Variants in VPS26A observed in about 807,000 individuals in gnomAD.
The protein encoded by VPS26A is VPS26 retromer complex component A, also known as vacuolar protein sorting-associated protein 26A.
VPS26A carries 22 observed loss-of-function variants against 42.4 expected under a neutral mutation model. The ratio of observed to expected loss-of-function variants is 0.52; its 90% CI spans 0.37 to 0.74. The LOEUF (loss-of-function observed/expected upper bound fraction) is 0.74, where lower values mean the gene tolerates loss of function less well. Ranked by LOEUF, VPS26A falls within the 30% of genes least tolerant of loss-of-function variation. VPS26A has a pLI of 0.00. For missense variants in VPS26A, 276 were observed against 379.2 expected (o/e 0.73, Z 2.26); for synonymous variants, 110 against 123.5 (o/e 0.89, Z 0.73).
chr10:69,154,624 A>G (rs961933182), intron 2 of VPS26A, among the ~76,000 whole-genome samples: 2 of 152,176 alleles, frequency 1.3e-5, no homozygotes, highest in African/African-American at 4.8e-5. Flanking sequence ...GCACTTTGGG[A>G]GTCCAATGTG....
At chr10:69,163,207 A>T (rs1451007839) in intron 6 of VPS26A, among the ~76,000 whole-genome samples, 1 of 152,182 alleles carries the variant, frequency 6.6e-6, no homozygotes, top group Non-Finnish European at 1.5e-5. Flanking sequence ...GCTATTACAG[A>T]TAATGTCATT....
intron 6 of VPS26A, among the ~76,000 whole-genome samples, chr10:69,163,493 G>C (rs558782023): frequency 1.3e-5 from 2 of 152,252 alleles, no homozygotes; most frequent in Non-Finnish European, 2.9e-5. Context: ...TATCAGCAGT[G>C]AATGTAGGAG....
At chr10:69,125,224 T>A (rs1304130028) in intron 1 of VPS26A, among the ~76,000 whole-genome samples, 16 of 152,238 alleles carry the variant, frequency 1.1e-4, no homozygotes, top group Non-Finnish European at 1.5e-5. Context: ...GGTATATTTT[T>A]AAAAAGCTAC....
chr10:69,139,298 AT>A, intron 2 of VPS26A, among the ~76,000 whole-genome samples: 1 of 151,772 alleles, frequency 6.6e-6, no homozygotes, highest in East Asian at 1.9e-4. Context: ...TATTTTATTT[AT>A]TTTCTATTTA....
At chr10:69,142,920 A>G (rs935841349) in intron 2 of VPS26A, among the ~76,000 whole-genome samples, 1 of 152,192 alleles carries the variant, frequency 6.6e-6, no homozygotes, top group Admixed American at 6.5e-5. Context: ...TGGTCACCAA[A>G]TCTCTGCTAG....
intron 2 of VPS26A, among the ~76,000 whole-genome samples, chr10:69,150,761 C>T (rs532880868): frequency 6.6e-6 from 1 of 152,086 alleles, no homozygotes; most frequent in East Asian, 1.9e-4. Flanking sequence ...ATCATGTCTC[C>T]AACTTACTCT....
chr10:69,132,016 A>G (rs1007496116), intron 1 of VPS26A, among the ~76,000 whole-genome samples: 1 of 152,220 alleles, frequency 6.6e-6, no homozygotes, highest in Non-Finnish European at 1.5e-5. Context: ...GGAAAAATTC[A>G]CAGAAATTTT....
In VPS26A at chr10:69,151,276, A is replaced by AAC. The variant is rs1554854510; in HGVS notation, c.154-4535_154-4534insCA. On this transcript the variant is annotated intron_variant, in intron 2 of 8. Coordinates refer to ENST00000263559, the MANE Select transcript of VPS26A (RefSeq NM_004896.5). ...TGAGACTCCATGTCAAAAAAAAAAA[A>AAC]AAAAAAACACACACACACACACAAT... Among the ~76,000 whole-genome samples, 8 of 69,126 alleles carry AAC rather than the reference A, an allele frequency of 1.2e-4. 1 individual carries two copies. Among genetic ancestry groups the AAC allele is most frequent in the Middle Eastern group, 0.011 (1 of 94 alleles). 45.3% of individuals were successfully genotyped at this position (69,126 alleles called of 152,430 possible). A position where few individuals can be genotyped will look rare whatever the true frequency, so the allele number is the denominator to read the frequency against.
rs1168446979 is a variant in VPS26A at position 69,150,677 on chromosome 10, G to A, written c.154-5135G>A. Among the ~76,000 whole-genome samples, 4 of 152,136 alleles carry A rather than the reference G, an allele frequency of 2.6e-5. 1 individual carries two copies. The highest frequency in any genetic ancestry group is 6.5e-5 in the Admixed American group (1 of 15,280). On this transcript the variant is annotated intron_variant, in intron 2 of 8. Coordinates refer to ENST00000263559, the MANE Select transcript of VPS26A (RefSeq NM_004896.5). ...CTCCCAAAGTGCTGGGATTACAGGC[G>A]TGAGCCACCGCGCCCGGCAGAGAAT...
At chr10:69,159,985 A>G (rs1841515971) in intron 5 of VPS26A, among the ~76,000 whole-genome samples, 1 of 151,986 alleles carries the variant, frequency 6.6e-6, no homozygotes, top group Non-Finnish European at 1.5e-5. Flanking sequence ...CATTATTTTT[A>G]TTGGTTGTCA....
intron 2 of VPS26A, among the ~76,000 whole-genome samples, chr10:69,151,991 TTAA>T (rs1217994951): frequency 6.6e-6 from 1 of 152,146 alleles, no homozygotes; most frequent in African/African-American, 2.4e-5. Flanking sequence ...TTTTCTGACT[TTAA>T]TAGTATTTTT....
chr10:69,163,259 G>A (rs968370342), intron 6 of VPS26A, among the ~76,000 whole-genome samples: 4 of 152,142 alleles, frequency 2.6e-5, no homozygotes, highest in African/African-American at 9.7e-5. Context: ...GGAATTCATG[G>A]GTTAAACAGC....
At chr10:69,137,835 G>C (rs533934749) in intron 2 of VPS26A, among the ~76,000 whole-genome samples, 2 of 147,080 alleles carry the variant, frequency 1.4e-5, no homozygotes, top group Admixed American at 1.3e-4. Flanking sequence ...GGGGCCCTAG[G>C]ATTTTTCTTT....
chr10:69,152,842 C>T (rs960271719), intron 2 of VPS26A, among the ~76,000 whole-genome samples: 4 of 151,648 alleles, frequency 2.6e-5, no homozygotes, highest in East Asian at 2.0e-4. Context: ...TGGTGGCGGG[C>T]GCCTGTAGTC....
intron 2 of VPS26A, among the ~76,000 whole-genome samples, chr10:69,148,905 G>A (rs1184303463): frequency 3.3e-5 from 5 of 151,920 alleles, no homozygotes; most frequent in East Asian, 1.9e-4. Flanking sequence ...ACAGGTGCCC[G>A]CCACCACGCC....
intron 2 of VPS26A, among the ~76,000 whole-genome samples, chr10:69,143,420 T>C (rs1841086001): frequency 6.6e-6 from 1 of 152,196 alleles, no homozygotes. Flanking sequence ...AGGTCTGACA[T>C]CTCGCCCACA....
Position 69,166,122 on chromosome 10 carries a change from T to C in VPS26A, c.727+12T>C. 1 of 1,611,416 alleles carries C rather than the reference T, an allele frequency of 6.2e-7. No homozygotes were observed. Among genetic ancestry groups the C allele is most frequent in the Non-Finnish European group, 8.5e-7 (1 of 1,178,030 alleles). On this transcript the variant is annotated intron_variant, in intron 7 of 8. Coordinates refer to ENST00000263559, the MANE Select transcript of VPS26A (RefSeq NM_004896.5). ...TGCACCAGTAAAAGGTAACACACTT[T>C]TCAGTTACTTCTTTTGTATAGTGCA...
rs1231417451 is a variant in VPS26A, at chr10:69,173,972, T to C, written c.*2703T>C. Among the ~76,000 whole-genome samples, 5 of 152,170 alleles carry C rather than the reference T, an allele frequency of 3.3e-5. No individual in the cohort carries two copies. The highest frequency in any genetic ancestry group is 6.5e-5 in the Admixed American group (1 of 15,280). On this transcript the variant is annotated 3_prime_UTR_variant, in exon 9 of 9. Coordinates refer to ENST00000263559, the MANE Select transcript of VPS26A (RefSeq NM_004896.5). ...TCACACCAATGCACTCCAGCCTGGC[T>C]AGAAGTTTGTAAAATGGACCAACCA...
At chr10:69,142,320 G>A (rs1793373006) in intron 2 of VPS26A, among the ~76,000 whole-genome samples, 1 of 151,144 alleles carries the variant, frequency 6.6e-6, no homozygotes, top group Admixed American at 6.6e-5. Flanking sequence ...CCAAGTAGCT[G>A]GGACCGCAGA....
Sources: gnomAD v4.1 joint callset for allele counts (sites outside exome capture counted in the v4.1 genomes callset) on GRCh38, gnomAD v4.1.1 for gene constraint, MANE v1.5 for transcripts, NCBI Gene and HGNC (gene_info 2026-07-23, HGNC 2026-07-21) for gene names.